The following GPLD1 variants were observed in gnomAD, a reference collection of about 807,000 sequenced individuals.
GPLD1 encodes glycosylphosphatidylinositol specific phospholipase D1.
In GPLD1, 84 loss-of-function variants were observed where a neutral mutation model predicts 112.6. The observed-to-expected ratio is 0.75, with a 90% CI of 0.63 to 0.89. The LOEUF is 0.89. GPLD1 is among the 40% of genes least tolerant of loss of function. GPLD1 has a pLI of 0.00. For missense variants in GPLD1, 1,044 were observed against 1,051.5 expected (o/e 0.99, Z 0.10); for synonymous variants, 386 against 403.8 (o/e 0.96, Z 0.53).
chr6:24,435,219 G>A (rs1762532158), intron 22 of GPLD1, among the ~76,000 whole-genome samples: 1 of 150,272 alleles, frequency 6.7e-6, no homozygotes, highest in Non-Finnish European at 1.5e-5. Context: ...CACAGTGTTA[G>A]CCAGGATGGT....
At chr6:24,460,620 A>G (rs1763403507) in intron 11 of GPLD1, among the ~76,000 whole-genome samples, 1 of 152,184 alleles carries the variant, frequency 6.6e-6, no homozygotes, top group Non-Finnish European at 1.5e-5. Flanking sequence ...CTTATAAAAC[A>G]TATTTCCTAT....
chr6:24,452,931 G>A (rs1157166322), intron 14 of GPLD1, among the ~76,000 whole-genome samples: 1 of 152,160 alleles, frequency 6.6e-6, no homozygotes, highest in East Asian at 1.9e-4. Context: ...GACACTCAGA[G>A]AATGCAGTGC....
At chr6:24,459,781 T>C (rs1157669876) in intron 12 of GPLD1, among the ~76,000 whole-genome samples, 2 of 152,228 alleles carry the variant, frequency 1.3e-5, no homozygotes, top group African/African-American at 4.8e-5. Flanking sequence ...GCCTTCAACA[T>C]TGTGAACGCC....
At chr6:24,429,487 C>T (rs1437205095) in intron 24 of GPLD1, among the ~76,000 whole-genome samples, 5 of 152,186 alleles carry the variant, frequency 3.3e-5, no homozygotes, top group Admixed American at 1.3e-4. Flanking sequence ...TACCCTGCTG[C>T]TTAAAACATT....
At chr6:24,440,949 G>T (rs1320577277) in intron 20 of GPLD1, among the ~76,000 whole-genome samples, 1 of 152,068 alleles carries the variant, frequency 6.6e-6, no homozygotes, top group Admixed American at 6.6e-5. Context: ...ATCCACGAAG[G>T]ATTGGTTCCA....
At chr6:24,441,597 G>T (rs924710836) in intron 20 of GPLD1, among the ~76,000 whole-genome samples, 33 of 152,312 alleles carry the variant, frequency 2.2e-4, no homozygotes, top group African/African-American at 7.9e-4. Context: ...TGAAAAAATT[G>T]CTGTGGATTA....
chr6:24,484,729 G>A (rs7765515), intron 2 of GPLD1, among the ~76,000 whole-genome samples: 26,936 of 152,082 alleles, frequency 0.18, 2,780 homozygotes, highest in African/African-American at 0.28. Context: ...CCTACTTGCC[G>A]TCAAGGTCAA....
At chr6:24,453,968 G>C (rs9393558) in intron 14 of GPLD1, 47 bp downstream of exon 14, 1 of 1,210,540 alleles carries the variant, frequency 8.3e-7, no homozygotes, top group Non-Finnish European at 1.2e-6. Flanking sequence ...CAAAATGCAA[G>C]AGTAGCTACT....
intron 7 of GPLD1, among the ~76,000 whole-genome samples, chr6:24,468,288 T>C (rs1561848790): frequency 6.6e-6 from 1 of 152,208 alleles, no homozygotes; most frequent in Non-Finnish European, 1.5e-5. Flanking sequence ...AGGAAATTCA[T>C]GTGGGCAAAG....
intron 6 of GPLD1, 30 bp from the exon 7 acceptor site, chr6:24,472,666 G>A (rs1179052047): frequency 1.6e-6 from 2 of 1,278,540 alleles, no homozygotes; most frequent in East Asian, 4.6e-5. Flanking sequence ...TTGACATTTG[G>A]TGGATTAGTG....
chr6:24,442,671 C>T (rs1762787532), intron 20 of GPLD1, among the ~76,000 whole-genome samples: 1 of 151,722 alleles, frequency 6.6e-6, no homozygotes. Context: ...GTCTCGATCA[C>T]CTGACCTCAT....
chr6:24,426,471 T>A lies in GPLD1; in HGVS notation c.*2561A>T, dbSNP rs1170263086. Among the ~76,000 whole-genome samples, 1 of 120,782 alleles carries A rather than the reference T, an allele frequency of 8.3e-6. No individual in the cohort carries two copies. The highest frequency in any genetic ancestry group is 8.7e-5 in the Admixed American group (1 of 11,500). The allele number at this position is 120,782 out of a possible 152,430, so 79.2% of individuals were successfully genotyped here. On this transcript the variant is annotated 3_prime_UTR_variant, in exon 25 of 25. Transcript: ENST00000230036. ...GGGGTTAGTATGGTTAAATGTCCTATAAACTTGAAGCTTGCTTCCATTTTT... is the reference window on the plus strand; with the variant it reads ...GGGGTTAGTATGGTTAAATGTCCTAAAAACTTGAAGCTTGCTTCCATTTTT...
rs1561820877 is a variant in GPLD1 at position 24,426,866 on chromosome 6, C to T, written c.*2166G>A. 6.6e-6 allele frequency among the ~76,000 whole-genome samples: 1 copy of T among 152,192 alleles called. No individual in the cohort carries two copies. The highest frequency in any genetic ancestry group is 1.5e-5 in the Non-Finnish European group (1 of 68,028). On this transcript the variant is annotated 3_prime_UTR_variant, in exon 25 of 25. Transcript: ENST00000230036. ...GCGCTTCCTTGTGCTTTTGCTGTGCCATAGGTTACTATGCAGCTAGCACAT... is the reference window on the plus strand; with the variant it reads ...GCGCTTCCTTGTGCTTTTGCTGTGCTATAGGTTACTATGCAGCTAGCACAT...
In GPLD1 at chr6:24,448,123, G is replaced by C. The variant is rs1297570106; in HGVS notation, c.1521+11C>G. ...CTAGGTTTCTGCACCTGGCTAAAGT[G>C]GTAAACATACCTGGCAAGAAATGGT... On this transcript the variant is annotated intron_variant, in intron 16 of 24. Transcript: ENST00000230036. The C allele has an allele frequency of 2.5e-6, 4 of 1,611,304 alleles. No individual in the cohort carries two copies. The highest frequency in any genetic ancestry group is 3.4e-6 in the Non-Finnish European group (4 of 1,178,654).
chr6:24,447,122 G>A, intron 17 of GPLD1, 143 bp from the exon 18 acceptor site: 1 of 625,428 alleles, frequency 1.6e-6, no homozygotes, highest in Non-Finnish European at 2.8e-6. Flanking sequence ...TCCCCATGCT[G>A]ATCCCAGGAC....
intron 14 of GPLD1, 126 bp from the exon 15 acceptor site, chr6:24,450,025 A>C: frequency 1.6e-6 from 1 of 617,568 alleles, no homozygotes; most frequent in South Asian, 2.0e-5. Flanking sequence ...CCGAAGGTGC[A>C]GTAAGCTATA....
At chr6:24,447,089 G>C in intron 17 of GPLD1, 110 bp from the exon 18 acceptor site, 1 of 946,220 alleles carries the variant, frequency 1.1e-6, no homozygotes, top group Non-Finnish European at 1.6e-6. Flanking sequence ...ATTTTGCTGA[G>C]TTTTTGCCAG....
chr6:24,483,763 A>C (rs1018543026), intron 2 of GPLD1, among the ~76,000 whole-genome samples: 1 of 150,840 alleles, frequency 6.6e-6, no homozygotes, highest in African/African-American at 2.4e-5. Context: ...ATGTGAACTT[A>C]TGGAGAGTCT....
At position 24,426,132 on chromosome 6, in the gene GPLD1, A is replaced by G. The variant is rs1228707657; in HGVS notation, c.*2900T>C. The G allele has an allele frequency of 6.6e-6, 1 of 152,248 alleles. No individual in the cohort carries two copies. Among genetic ancestry groups the G allele is most frequent in the African/African-American group, 2.4e-5 (1 of 41,474 alleles). The allele number at this position is 152,248 out of a possible 1,614,324, so 9.4% of individuals were successfully genotyped here. On this transcript the variant is annotated 3_prime_UTR_variant, in exon 25 of 25. Coordinates refer to ENST00000230036, the MANE Select transcript of GPLD1 (RefSeq NM_001503.4). Reference sequence around the variant, plus strand: ...ATATACGCAGATAGTAGCAAGACAGAAAATGCAAATATGTAAATGTCTTCT... The same window carrying G: ...ATATACGCAGATAGTAGCAAGACAGGAAATGCAAATATGTAAATGTCTTCT...
Sources: gnomAD v4.1 joint callset for allele counts (sites outside exome capture counted in the v4.1 genomes callset) on GRCh38, gnomAD v4.1.1 for gene constraint, MANE v1.5 for transcripts, NCBI Gene and HGNC (gene_info 2026-07-23, HGNC 2026-07-21) for gene names.